Variants in MRTFB observed in about 807,000 individuals in gnomAD.
MRTFB encodes myocardin related transcription factor B, also known as myocardin-related transcription factor B.
Under a neutral mutation model 104.2 loss-of-function variants are expected in MRTFB, and 29 were observed. The observed-to-expected ratio is 0.28, with a 90% CI of 0.21 to 0.38. MRTFB has a LOEUF of 0.38. Ranked by LOEUF, MRTFB falls within the 10% of genes least tolerant of loss-of-function variation. The pLI, the probability that MRTFB is intolerant of heterozygous loss-of-function variation, is 1.00. For synonymous variants in MRTFB, 535 were observed against 519.5 expected (o/e 1.03, Z -0.41); for missense variants, 1,270 against 1,341.6 (o/e 0.95, Z 0.83).
chr16:14,191,180 G>A (rs544958307), intron 3 of MRTFB, among the ~76,000 whole-genome samples: 107 of 152,260 alleles, frequency 7.0e-4, no homozygotes, highest in Non-Finnish European at 1.4e-3. Context: ...TAATTAAAAT[G>A]AAATAAATTG....
At chr16:14,051,201 GAC>G in the MRTFB span, among the ~76,000 whole-genome samples, 2 of 151,504 alleles carry the variant, frequency 1.3e-5, no homozygotes, top group South Asian at 4.2e-4. Flanking sequence ...CACAGAGACA[GAC>G]ACAGACACAC....
intron 10 of MRTFB, chr16:14,241,278 C>G (rs903702302): frequency 6.5e-6 from 1 of 153,240 alleles, no homozygotes; most frequent in African/African-American, 2.4e-5. Context: ...GCCTTGGTGA[C>G]GAACAACTGC....
chr16:14,217,235 G>A lies in MRTFB; in HGVS notation c.462G>A (p.Leu154=), dbSNP rs765643588. 1.2e-6 allele frequency: 2 copies of A among 1,613,614 alleles called. No individual in the cohort carries two copies. The highest frequency in any genetic ancestry group is 1.1e-5 in the South Asian group (1 of 90,896). Residue 154 remains leucine, a synonymous_variant, in exon 7 of 17, where the codon CTG becomes CTA. Coordinates refer to ENST00000571589, the MANE Select transcript of MRTFB (RefSeq NM_001308142.2). The part of the protein sequence containing the change: ...KIAQRPGPME[L]VEKNILPVDS... Reference sequence around the variant, plus strand: ...CTCAAAGACCTGGTCCTATGGAGCTGGTAGAGAAAAACATCCTTCCTGTGG... The same window carrying A: ...CTCAAAGACCTGGTCCTATGGAGCTAGTAGAGAAAAACATCCTTCCTGTGG...
At chr16:14,035,730 C>T in the MRTFB span, among the ~76,000 whole-genome samples, 1 of 151,868 alleles carries the variant, frequency 6.6e-6, no homozygotes, top group African/African-American at 2.4e-5. Context: ...ATAATTATTT[C>T]CATATAATTC....
rs1195169195 is a variant in MRTFB at position 14,262,418 on chromosome 16, C to T, written c.*974C>T. The stretch of plus-strand genomic sequence containing the variant: ...TCAAAGAACCAAGAAAAGGCTTTAG[C>T]ATGAAATATCTTTCTGAGCTGGCGA... On this transcript the variant is annotated 3_prime_UTR_variant, in exon 17 of 17. Transcript: ENST00000571589. 1.3e-5 allele frequency: 2 copies of T among 152,196 alleles called. No homozygotes were observed. The highest frequency in any genetic ancestry group is 1.5e-5 in the Non-Finnish European group (1 of 68,044). 9.4% of individuals were successfully genotyped at this position (152,196 alleles called of 1,614,324 possible).
At chr16:14,195,995 T>C (rs1399064719) in intron 3 of MRTFB, among the ~76,000 whole-genome samples, 1 of 152,248 alleles carries the variant, frequency 6.6e-6, no homozygotes, top group East Asian at 1.9e-4. Flanking sequence ...TTAATATCTT[T>C]ATGTACATCT....
At chr16:14,235,237 G>T (rs2042444725) in intron 9 of MRTFB, among the ~76,000 whole-genome samples, 1 of 152,232 alleles carries the variant, frequency 6.6e-6, no homozygotes, top group Non-Finnish European at 1.5e-5. Flanking sequence ...CTGGAGAGAA[G>T]GCCCTTGTCA....
intron 5 of MRTFB, among the ~76,000 whole-genome samples, chr16:14,213,037 G>C (rs895622978): frequency 6.6e-6 from 1 of 152,094 alleles, no homozygotes; most frequent in Non-Finnish European, 1.5e-5. Context: ...AATTTTTCTA[G>C]AATGCAATAA....
At chr16:14,009,997 C>T in the MRTFB span, among the ~76,000 whole-genome samples, 1 of 152,158 alleles carries the variant, frequency 6.6e-6, no homozygotes, top group Non-Finnish European at 1.5e-5. Context: ...CAGAAACCCT[C>T]TTCCTTTTTC....
In MRTFB at chr16:14,144,981, C is replaced by CAT. The variant is rs71373011; in HGVS notation, c.154+4234_154+4235dup. On this transcript the variant is annotated intron_variant, in intron 3 of 16. Coordinates refer to ENST00000571589, the MANE Select transcript of MRTFB (RefSeq NM_001308142.2). Reference sequence around the variant, plus strand: ...AAAAAAATAAATAAATATATACATACATATATATATATATGTATATATATA... The same window carrying CAT: ...AAAAAAATAAATAAATATATACATACATATATATATATATATGTATATATATA... Among the ~76,000 whole-genome samples, 156 of 104,356 alleles carry CAT rather than the reference C, an allele frequency of 1.5e-3. 1 individual carries two copies. The East Asian group carries it at 0.022, about 14-fold the overall frequency. 68.5% of individuals were successfully genotyped at this position (104,356 alleles called of 152,430 possible). A position where few individuals can be genotyped will look rare whatever the true frequency, so the allele number is the denominator to read the frequency against.
intron 2 of MRTFB, among the ~76,000 whole-genome samples, chr16:14,102,456 A>G (rs1262877257): frequency 6.6e-6 from 1 of 152,232 alleles, no homozygotes; most frequent in African/African-American, 2.4e-5. Flanking sequence ...TACATGTTTA[A>G]TATTTTGGGT....
At chr16:14,036,218 A>G in the MRTFB span, among the ~76,000 whole-genome samples, 1 of 126,738 alleles carries the variant, frequency 7.9e-6, no homozygotes, top group Non-Finnish European at 1.6e-5. Flanking sequence ...TATATAAAAT[A>G]TATATAATAT....
intron 8 of MRTFB, among the ~76,000 whole-genome samples, chr16:14,220,291 CA>C (rs2041632200): frequency 6.6e-6 from 1 of 152,192 alleles, no homozygotes; most frequent in Admixed American, 6.5e-5. Flanking sequence ...ATACCATTAA[CA>C]AACAGTTACA....
At chr16:14,218,276 GT>G (rs968689318) in intron 7 of MRTFB, among the ~76,000 whole-genome samples, 1 of 151,978 alleles carries the variant, frequency 6.6e-6, no homozygotes, top group African/African-American at 2.4e-5. Flanking sequence ...AGCCAGGATG[GT>G]CTCGATCTCC....
At chr16:14,225,842 C>T (rs1258188419) in intron 8 of MRTFB, among the ~76,000 whole-genome samples, 1 of 152,184 alleles carries the variant, frequency 6.6e-6, no homozygotes, top group Non-Finnish European at 1.5e-5. Context: ...CAGCTGGTCA[C>T]ATCTTCAGAC....
At position 14,261,346 on chromosome 16, in the gene MRTFB, A is replaced by C; in HGVS notation, c.3202A>C (p.Asn1068His). The change falls in exon 17 of 17, where the codon AAC (asparagine) becomes CAC (histidine). Residue 1068 changes from asparagine to histidine, a missense_variant. Physicochemically the swap from Asn to His is moderately conservative, Grantham distance 68 (BLOSUM62 1). Transcript: ENST00000571589. ...NMEWLDITMP[N>H]SSSGLTPLST... ...GGAGTGGTTGGACATTACCATGCCC[A>C]ACTCCTCTTCAGGACTCACTCCTCT... The C allele has an allele frequency of 6.2e-7, 1 of 1,614,134 alleles. No homozygotes were observed. The highest frequency in any genetic ancestry group is 8.5e-7 in the Non-Finnish European group (1 of 1,180,028).
intron 2 of MRTFB, among the ~76,000 whole-genome samples, chr16:14,117,417 T>C (rs138034101): frequency 1.3e-5 from 2 of 152,226 alleles, no homozygotes; most frequent in Non-Finnish European, 2.9e-5. Context: ...TCCTAATACA[T>C]GGTCCCATAG....
At chr16:14,001,891 A>T in the MRTFB span, among the ~76,000 whole-genome samples, 1 of 152,188 alleles carries the variant, frequency 6.6e-6, no homozygotes, top group Non-Finnish European at 1.5e-5. Flanking sequence ...CTCTGCCATG[A>T]GGCACTGTAT....
At chr16:14,240,640 C>A (rs1182549862) in intron 10 of MRTFB, 156 bp downstream of exon 10, 2 of 1,276,314 alleles carry the variant, frequency 1.6e-6, no homozygotes, top group Non-Finnish European at 2.3e-6. Context: ...GTCTGAAGTC[C>A]ACATGGTGAG....
Sources: allele counts gnomAD v4.1 joint callset (sites outside exome capture counted in the v4.1 genomes callset), GRCh38; gene constraint gnomAD v4.1.1; transcripts MANE v1.5; gene names NCBI Gene and HGNC (gene_info 2026-07-23, HGNC 2026-07-21).